Variants in PLXNB2 observed in about 807,000 individuals in gnomAD.
The protein encoded by PLXNB2 is plexin B2.
In PLXNB2, 85 loss-of-function variants were observed where a neutral mutation model predicts 202.6. The observed-to-expected ratio is 0.42, with a 90% CI of 0.35 to 0.50. PLXNB2 has a LOEUF of 0.50. PLXNB2 is among the 20% of genes least tolerant of loss of function. PLXNB2 has a pLI of 0.02. For synonymous variants in PLXNB2, 1,239 were observed against 1,137.6 expected (o/e 1.09, Z -1.79); for missense variants, 2,063 against 2,586.2 (o/e 0.80, Z 4.39).
chr22:50,301,030 G>A (rs1235499311), intron 1 of PLXNB2, among the ~76,000 whole-genome samples: 7 of 152,144 alleles, frequency 4.6e-5, no homozygotes, highest in Non-Finnish European at 1.0e-4. Context: ...CCTGTATATG[G>A]TGCGTCCCTA....
At chr22:50,279,510 C>G in intron 27 of PLXNB2, 120 bp downstream of exon 27, 2 of 988,386 alleles carry the variant, frequency 2.0e-6, no homozygotes, top group Non-Finnish European at 3.1e-6. Flanking sequence ...GGCTGTAACT[C>G]GAATCCACAG....
chr22:50,282,923 G>A lies in PLXNB2; in HGVS notation c.2817-42C>T, dbSNP rs374752871. 4.8e-5 allele frequency: 76 copies of A among 1,572,648 alleles called. No individual in the cohort carries two copies. In the African/African-American group the frequency reaches 7.2e-4, roughly 15 times the overall value. On this transcript the variant is annotated intron_variant, in intron 17 of 36. Coordinates refer to ENST00000359337, the MANE Select transcript of PLXNB2 (RefSeq NM_012401.4). ...GCTGGTCTGCATCAACCCCTCCCCC[G>A]GGACCAGCCCCAGCCCGACCAGGCT... is the stretch of plus-strand genomic sequence containing the variant.
Position 50,276,844 on chromosome 22 carries a change from C to T in PLXNB2, c.5259G>A (p.Glu1753=), listed in dbSNP as rs1291176999. The T allele has an allele frequency of 3.7e-6, 6 of 1,607,458 alleles. No homozygotes were observed. The highest frequency in any genetic ancestry group is 2.2e-5 in the South Asian group (2 of 90,468). Residue 1753 remains glutamate, a splice_region_variant and synonymous_variant, in exon 34 of 37, where the codon GAG becomes GAA. Coordinates refer to ENST00000359337, the MANE Select transcript of PLXNB2 (RefSeq NM_012401.4). ...KEISTYKKMV[E]DYYKGIRQMV... is the part of the protein sequence containing the mutation. Reference sequence around the variant, plus strand: ...GCCTGGAGGGCAGGCAGACTTACTCCTCCACCATCTTCTTGTAGGTGGAGA... The same window carrying T: ...GCCTGGAGGGCAGGCAGACTTACTCTTCCACCATCTTCTTGTAGGTGGAGA...
intron 1 of PLXNB2, among the ~76,000 whole-genome samples, chr22:50,299,960 T>C (rs1196275356): frequency 6.6e-6 from 1 of 152,006 alleles, no homozygotes; most frequent in Admixed American, 6.5e-5. Flanking sequence ...CGCAGAACGG[T>C]TGCCCGGGAG....
chr22:50,286,978 TG>T, intron 8 of PLXNB2, 132 bp downstream of exon 8: 2 of 906,236 alleles, frequency 2.2e-6, no homozygotes, highest in Non-Finnish European at 3.1e-6. Flanking sequence ...TCATTCAGGC[TG>T]GGCCCCCGGA....
In PLXNB2 at chr22:50,283,977, G is replaced by T; in HGVS notation, c.2277C>A (p.Asn759Lys). ...IDSKLHVTLY[N>K]CSFGRSDCSL... ...TGCAGTCGCTGCGGCCAAAGGAGCA[G>T]TTGTAGAGGGTCACTGCGGGGAGAG... is the stretch of plus-strand genomic sequence containing the variant. Residue 759 changes from asparagine (N) to lysine (K), a missense_variant, in exon 14 of 37, where the codon AAC (asparagine) becomes AAA (lysine). Around this residue, in one of 2 missense-constraint regions of PLXNB2, gnomAD observed 1,303 missense variants for 1,476.8 expected, o/e 0.88. Coordinates refer to ENST00000359337, the MANE Select transcript of PLXNB2 (RefSeq NM_012401.4). 6.5e-7 allele frequency: 1 copy of T among 1,545,314 alleles called. No homozygotes were observed. The highest frequency in any genetic ancestry group is 8.7e-7 in the Non-Finnish European group (1 of 1,148,752).
intron 2 of PLXNB2, 39 bp from the exon 3 acceptor site, chr22:50,290,636 G>A: frequency 6.7e-7 from 1 of 1,493,552 alleles, no homozygotes; most frequent in Non-Finnish European, 8.9e-7. Context: ...CCCCGACCCA[G>A]AGGACCCCCG....
rs1466531970 is a variant in PLXNB2 at position 50,280,493 on chromosome 22, G to A, written c.4171C>T (p.Arg1391Cys). The A allele has an allele frequency of 6.2e-7, 1 of 1,606,090 alleles. No individual in the cohort carries two copies. Among genetic ancestry groups the A allele is most frequent in the Non-Finnish European group, 8.5e-7 (1 of 1,177,334 alleles). The stretch of plus-strand genomic sequence containing the variant: ...CGTGGCCCCGCCCATGTGCACCTGC[G>A]CAGCATCAGCTTGGGGTTCTTGGCC... ...VVAKNPKLMLRRSETVVERML... is the reference protein window; with the variant it reads ...VVAKNPKLMLCRSETVVERML... Residue 1391 changes from arginine (R) to cysteine (C), a missense_variant, in exon 25 of 37, where the codon CGC becomes TGC. By Grantham distance (180) the Arg-to-Cys change is radical. This residue lies in a region of PLXNB2 where 760 missense variants were observed against 1,109.4 expected (regional missense o/e 0.69). Transcript: ENST00000359337.
In PLXNB2 at chr22:50,284,348, G is replaced by A. The variant is rs73437452; in HGVS notation, c.2182-135C>T. On this transcript the variant is annotated intron_variant, in intron 12 of 36. Transcript: ENST00000359337. This position sits in a 1 kb window ranked among gnomAD's most constrained non-coding sequence, Gnocchi z 8.0. Reference sequence around the variant, plus strand: ...GCAGCAGGGGAGGCCTTCAGGTGTCGGAAGTTCGGGAACCCCATGGACGCT... The same window carrying A: ...GCAGCAGGGGAGGCCTTCAGGTGTCAGAAGTTCGGGAACCCCATGGACGCT... 3,749 of 850,948 alleles carry A rather than the reference G, an allele frequency of 4.4e-3. 101 individuals carry two copies. The African/African-American group carries it at 0.054, about 12-fold the overall frequency. 52.7% of individuals were successfully genotyped at this position (850,948 alleles called of 1,614,324 possible).
chr22:50,289,665 G>A lies in PLXNB2; in HGVS notation c.920C>T (p.Pro307Leu), dbSNP rs1233981945. ...CGGGAACAGGCAGAGGCCCGCACCG[G>A]GCCCCCCACTGCTCCGGCTGTCTCT... ...FSRDSRSSGG[P>L]GAGLCLFPLD... Residue 307 changes from proline (P) to leucine (L), a missense_variant, in exon 3 of 37, where the codon CCC (proline) becomes CTC (leucine). By Grantham distance (98) the Pro-to-Leu change is moderately conservative. Coordinates refer to ENST00000359337, the MANE Select transcript of PLXNB2 (RefSeq NM_012401.4). The surrounding 1 kb of genome is among the most constrained non-coding windows in gnomAD (Gnocchi z 8.0). The A allele has an allele frequency of 1.9e-6, 3 of 1,609,790 alleles. No homozygotes were observed. The highest frequency in any genetic ancestry group is 1.3e-5 in the African/African-American group (1 of 74,946).
At chr22:50,276,774 G>A (rs2065629969) in intron 34 of PLXNB2, 68 bp downstream of exon 34, 1 of 1,596,368 alleles carries the variant, frequency 6.3e-7, no homozygotes, top group Non-Finnish European at 8.6e-7. Context: ...GGAAACCAAG[G>A]CCTGAACCTC....
Position 50,284,245 on chromosome 22 carries a change from C to G in PLXNB2, c.2182-32G>C. ...GACACGCAGGGGCACACTGCACTTC[C>G]TGCCCCCACAGAGGGGCGTGGGGCG... On this transcript the variant is annotated intron_variant, in intron 12 of 36. Coordinates refer to ENST00000359337, the MANE Select transcript of PLXNB2 (RefSeq NM_012401.4). This position sits in a 1 kb window ranked among gnomAD's most constrained non-coding sequence, Gnocchi z 8.0. The G allele has an allele frequency of 6.2e-7, 1 of 1,600,760 alleles. No homozygotes were observed. Among genetic ancestry groups the G allele is most frequent in the Non-Finnish European group, 8.6e-7 (1 of 1,169,174 alleles).
At position 50,288,103 on chromosome 22, in the gene PLXNB2, T is replaced by C; in HGVS notation, c.1381-66A>G. On this transcript the variant is annotated intron_variant, in intron 5 of 36. Transcript: ENST00000359337. The surrounding 1 kb of genome is among the most constrained non-coding windows in gnomAD (Gnocchi z 5.0). ...GCACGGGCCTTCCGCAGACCCCAGA[T>C]GTCCCCAGACCGCCAGCTTGACCCA... is the stretch of plus-strand genomic sequence containing the variant. 7.9e-7 allele frequency: 1 copy of C among 1,263,972 alleles called. No homozygotes were observed. The highest frequency in any genetic ancestry group is 1.3e-5 in the South Asian group (1 of 77,620). The allele number at this position is 1,263,972 out of a possible 1,614,324, so 78.3% of individuals were successfully genotyped here.
chr22:50,285,053 C>A, intron 11 of PLXNB2: 1 of 394,298 alleles, frequency 2.5e-6, no homozygotes, highest in Non-Finnish European at 5.0e-6. Flanking sequence ...CCGAGTGCTG[C>A]CTCCTGGCCT....
Position 50,288,122 on chromosome 22 carries a change from T to G in PLXNB2, c.1381-85A>C. ...CCCAGATGTCCCCAGACCGCCAGCT[T>G]GACCCAGCTCTGTCCCGGGGCCTCG... On this transcript the variant is annotated intron_variant, in intron 5 of 36. Coordinates refer to ENST00000359337, the MANE Select transcript of PLXNB2 (RefSeq NM_012401.4). This position sits in a 1 kb window ranked among gnomAD's most constrained non-coding sequence, Gnocchi z 5.0. 1 of 1,049,188 alleles carries G rather than the reference T, an allele frequency of 9.5e-7. No individual in the cohort carries two copies. The highest frequency in any genetic ancestry group is 1.4e-6 in the Non-Finnish European group (1 of 703,892). 65.0% of individuals were successfully genotyped at this position (1,049,188 alleles called of 1,614,324 possible).
At chr22:50,283,480 C>T (rs370815109) in intron 15 of PLXNB2, 35 bp from the exon 16 acceptor site, 6 of 1,594,616 alleles carry the variant, frequency 3.8e-6, no homozygotes, top group Non-Finnish European at 5.1e-6. Flanking sequence ...CCAGGCACTC[C>T]CCGACCCACC....
rs752601544 is a variant in PLXNB2 at position 50,290,565 on chromosome 22, G to A, written c.20C>T (p.Ala7Val). 1.2e-6 allele frequency: 2 copies of A among 1,608,760 alleles called. No individual in the cohort carries two copies. The highest frequency in any genetic ancestry group is 1.7e-6 in the Non-Finnish European group (2 of 1,179,006). Residue 7 changes from alanine to valine, a missense_variant, in exon 3 of 37, where the codon GCC becomes GTC. By Grantham distance (64) the Ala-to-Val change is moderately conservative (BLOSUM62 0). This residue lies in a region of PLXNB2 where 1,303 missense variants were observed against 1,476.8 expected (regional missense o/e 0.88). Coordinates refer to ENST00000359337, the MANE Select transcript of PLXNB2 (RefSeq NM_012401.4). MALQLW[A>V]LTLLGLLGAG... Reference sequence around the variant, plus strand: ...GCCCAGCAGGCCCAGCAGGGTCAGGGCCCAGAGCTGCAGTGCCATTGCCCC... The same window carrying A: ...GCCCAGCAGGCCCAGCAGGGTCAGGACCCAGAGCTGCAGTGCCATTGCCCC...
chr22:50,281,856 G>A lies in PLXNB2; in HGVS notation c.3343C>T (p.Arg1115Trp), dbSNP rs1266389693. 1.2e-5 allele frequency: 19 copies of A among 1,611,238 alleles called. No individual in the cohort carries two copies. The highest frequency in any genetic ancestry group is 1.3e-5 in the African/African-American group (1 of 74,892). The change falls in exon 20 of 37, where the codon CGG becomes TGG. Residue 1115 changes from arginine to tryptophan, a missense_variant and splice_region_variant. Physicochemically the swap from Arg to Trp is moderately radical, Grantham distance 101. This residue lies in a region of PLXNB2 where 760 missense variants were observed against 1,109.4 expected (regional missense o/e 0.69). Coordinates refer to ENST00000359337, the MANE Select transcript of PLXNB2 (RefSeq NM_012401.4). ...KKQVNKLIHA[R>W]GTNLNKAMTL... ...ACCCGGGGCTGCACCGTCCTCACCC[G>A]GGCGTGGATGAGCTTGTTGACCTGC...
In PLXNB2 at chr22:50,275,921, G is replaced by A; in HGVS notation, c.5380C>T (p.Leu1794Phe). 6.2e-7 allele frequency: 1 copy of A among 1,612,668 alleles called. No individual in the cohort carries two copies. Among genetic ancestry groups the A allele is most frequent in the Non-Finnish European group, 8.5e-7 (1 of 1,179,876 alleles). ...TAGTACTTCTGCGTGTATTGGTAGA[G>A]CTGGTGGAGTGCCACGAGGGTGTTC... is the stretch of plus-strand genomic sequence containing the variant. The part of the protein sequence containing the change: ...SLNTLVALHQ[L>F]YQYTQKYYDE... The change falls in exon 36 of 37, where the codon CTC becomes TTC. Residue 1794 changes from leucine (L) to phenylalanine (F), a missense_variant. Physicochemically the swap from Leu to Phe is conservative, Grantham distance 22. This residue lies in a region of PLXNB2 where 760 missense variants were observed against 1,109.4 expected (regional missense o/e 0.69). Transcript: ENST00000359337.
Sources: allele counts gnomAD v4.1 joint callset (sites outside exome capture counted in the v4.1 genomes callset), GRCh38; gene constraint gnomAD v4.1.1; regional missense constraint gnomAD v4.1.1; non-coding constraint Gnocchi (gnomAD v3.1); transcripts MANE v1.5; gene names NCBI Gene and HGNC (gene_info 2026-07-23, HGNC 2026-07-21).